Variants in CTNNA3 observed in about 807,000 individuals in gnomAD.
The protein encoded by CTNNA3 is catenin alpha 3.
Under a neutral mutation model 95.7 loss-of-function variants are expected in CTNNA3, and 76 were observed. The observed-to-expected ratio is 0.79, with a 90% CI of 0.66 to 0.96. CTNNA3 has a LOEUF of 0.96. Among genes scored for constraint, CTNNA3 ranks in the 40% least tolerant of loss-of-function variants. The pLI, the probability that CTNNA3 is intolerant of heterozygous loss-of-function variation, is 0.00. For synonymous variants in CTNNA3, 431 were observed against 374.4 expected (o/e 1.15, Z -1.74); for missense variants, 1,191 against 1,089.8 (o/e 1.09, Z -1.31).
At chr10:66,898,795 G>T (rs1269172256) in intron 7 of CTNNA3, among the ~76,000 whole-genome samples, 1 of 152,092 alleles carries the variant, frequency 6.6e-6, no homozygotes, top group Non-Finnish European at 1.5e-5. Context: ...ACTGAGCTTG[G>T]CAATGGGGCA....
intron 5 of CTNNA3, among the ~76,000 whole-genome samples, chr10:67,289,818 T>C (rs557093773): frequency 3.6e-4 from 54 of 152,040 alleles, no homozygotes; most frequent in African/African-American, 1.3e-3. Context: ...TTTATTTATT[T>C]ATTTATTTTA....
intron 13 of CTNNA3, among the ~76,000 whole-genome samples, chr10:66,247,053 A>T (rs1165052471): frequency 2.8e-5 from 1 of 35,466 alleles, no homozygotes; most frequent in Non-Finnish European, 5.1e-5. Flanking sequence ...CATCTCAAAA[A>T]AAAAAAAAAA....
chr10:66,521,483 A>G (rs1841066724), intron 10 of CTNNA3, among the ~76,000 whole-genome samples: 1 of 152,168 alleles, frequency 6.6e-6, no homozygotes, highest in Non-Finnish European at 1.5e-5. Context: ...TTAGGACTGT[A>G]AGTTGAATGC....
At chr10:67,447,616 G>A (rs1305864934) in intron 5 of CTNNA3, among the ~76,000 whole-genome samples, 1 of 151,994 alleles carries the variant, frequency 6.6e-6, no homozygotes, top group African/African-American at 2.4e-5. Flanking sequence ...ATGTATTCAG[G>A]TCGCTGCTCA....
intron 10 of CTNNA3, among the ~76,000 whole-genome samples, chr10:66,546,374 T>G (rs1204564006): frequency 6.6e-6 from 1 of 152,160 alleles, no homozygotes; most frequent in African/African-American, 2.4e-5. Context: ...CAAATCATCA[T>G]CATAATAATC....
At chr10:66,608,314 C>T (rs761212359) in intron 10 of CTNNA3, among the ~76,000 whole-genome samples, 10 of 151,942 alleles carry the variant, frequency 6.6e-5, no homozygotes, top group African/African-American at 1.2e-4. Flanking sequence ...AAACAAATGG[C>T]GAAACGTCCC....
intron 12 of CTNNA3, among the ~76,000 whole-genome samples, chr10:66,323,742 C>A (rs1414092074): frequency 1.3e-5 from 2 of 151,852 alleles, no homozygotes; most frequent in Non-Finnish European, 2.9e-5. Flanking sequence ...TAAATGAGAA[C>A]AGGCATTTCT....
intron 9 of CTNNA3, among the ~76,000 whole-genome samples, chr10:66,764,009 T>C (rs1839736667): frequency 6.6e-6 from 1 of 152,138 alleles, no homozygotes; most frequent in Admixed American, 6.5e-5. Context: ...AGATAACAAA[T>C]AGTTGCTTTA....
At chr10:66,391,329 G>A (rs1293353791) in intron 11 of CTNNA3, among the ~76,000 whole-genome samples, 1 of 152,022 alleles carries the variant, frequency 6.6e-6, no homozygotes, top group Non-Finnish European at 1.5e-5. Context: ...AAAAAAGAAA[G>A]TCATTGAAGG....
intron 15 of CTNNA3, among the ~76,000 whole-genome samples, chr10:66,009,021 A>AC (rs1373190764): frequency 6.6e-6 from 1 of 151,662 alleles, no homozygotes; most frequent in East Asian, 1.9e-4. Flanking sequence ...AATCACTTGA[A>AC]CCCTGGAGGC....
At chr10:67,343,233 G>A (rs1447176908) in intron 5 of CTNNA3, among the ~76,000 whole-genome samples, 1 of 152,176 alleles carries the variant, frequency 6.6e-6, no homozygotes, top group Non-Finnish European at 1.5e-5. Flanking sequence ...TTACAGGTGT[G>A]AGGCACCGCG....
intron 3 of CTNNA3, among the ~76,000 whole-genome samples, chr10:67,596,015 G>T (rs115288268): frequency 0.017 from 2,596 of 152,036 alleles, 81 homozygotes; most frequent in African/African-American, 0.059. Context: ...TGAACATATG[G>T]GTGTCACTGT....
At chr10:66,526,425 G>A (rs1352729401) in intron 10 of CTNNA3, among the ~76,000 whole-genome samples, 6 of 152,124 alleles carry the variant, frequency 3.9e-5, no homozygotes, top group Non-Finnish European at 4.4e-5. Flanking sequence ...GAGCTCAGGT[G>A]ATCTACTGGC....
At chr10:66,463,288 G>A (rs913514489) in intron 11 of CTNNA3, among the ~76,000 whole-genome samples, 8 of 152,002 alleles carry the variant, frequency 5.3e-5, no homozygotes, top group Non-Finnish European at 1.0e-4. Context: ...CTTTGAGAAC[G>A]GATTGTTAAA....
chr10:67,664,349 AG>A (rs1840276207), intron 1 of CTNNA3, among the ~76,000 whole-genome samples: 1 of 152,182 alleles, frequency 6.6e-6, no homozygotes, highest in South Asian at 2.1e-4. Flanking sequence ...GTGGGTTAAA[AG>A]GGCAGCATTT....
At chr10:67,379,543 A>G (rs529674977) in intron 5 of CTNNA3, among the ~76,000 whole-genome samples, 7 of 152,364 alleles carry the variant, frequency 4.6e-5, no homozygotes, top group African/African-American at 1.4e-4. Context: ...GAATATGAAC[A>G]TCACATTGCT....
intron 11 of CTNNA3, among the ~76,000 whole-genome samples, chr10:66,399,150 GC>G (rs2093001395): frequency 6.6e-6 from 1 of 151,822 alleles, no homozygotes; most frequent in Admixed American, 6.6e-5. Flanking sequence ...AATTACCCTT[GC>G]TTTCTTCATA....
chr10:67,086,066 G>T (rs1172068415), intron 7 of CTNNA3, among the ~76,000 whole-genome samples: 1 of 151,926 alleles, frequency 6.6e-6, no homozygotes. Context: ...AAGATCTCTA[G>T]GATATTCAAT....
intron 12 of CTNNA3, among the ~76,000 whole-genome samples, chr10:66,366,179 C>A (rs898922650): frequency 1.3e-5 from 2 of 152,100 alleles, no homozygotes; most frequent in African/African-American, 2.4e-5. Flanking sequence ...ATTTGGTGGG[C>A]AGCTCACACT....
Sources: allele counts gnomAD v4.1 joint callset (sites outside exome capture counted in the v4.1 genomes callset), GRCh38; gene constraint gnomAD v4.1.1; transcripts MANE v1.5; gene names NCBI Gene and HGNC (gene_info 2026-07-23, HGNC 2026-07-21).